ZFC3H1: variants seen among roughly 807,000 people sequenced by gnomAD.
The protein encoded by ZFC3H1 is zinc finger C3H1 domain-containing protein.
Under a neutral mutation model 243.7 loss-of-function variants are expected in ZFC3H1, and 71 were observed. The observed-to-expected ratio is 0.29, with a 90% CI of 0.24 to 0.36. The LOEUF is 0.36. Ranked by LOEUF, ZFC3H1 falls within the 10% of genes least tolerant of loss-of-function variation. The pLI is 1.00. For missense variants in ZFC3H1, 1,966 were observed against 2,317.1 expected (o/e 0.85, Z 3.11); for synonymous variants, 838 against 813.0 (o/e 1.03, Z -0.52).
At chr12:71,653,427 C>CTA (rs1452183629) in intron 2 of ZFC3H1, among the ~76,000 whole-genome samples, 4 of 152,048 alleles carry the variant, frequency 2.6e-5, no homozygotes, top group Admixed American at 6.5e-5. Context: ...TAACATACAT[C>CTA]TATACAGAGT....
rs781071202 is a variant in ZFC3H1, at chr12:71,663,297, C to T, written c.314G>A (p.Arg105Gln). 2 of 1,613,452 alleles carry T rather than the reference C, an allele frequency of 1.2e-6. No individual in the cohort carries two copies. Among genetic ancestry groups the T allele is most frequent in the Non-Finnish European group, 1.7e-6 (2 of 1,180,040 alleles). Residue 105 changes from arginine (R) to glutamine (Q), a missense_variant, in exon 1 of 35, where the codon CGA (arginine) becomes CAA (glutamine). Arg to Gln is a conservative substitution (Grantham distance 43). Transcript: ENST00000378743. The part of the protein sequence containing the change: ...RGHLRGPSSY[R>Q]PKEPFRSHPP... ...ATGAGACCGGAACGGTTCTTTGGGTCGGTAGCTGCTGGGTCCCCTGAGGTG... is the reference window on the plus strand; with the variant it reads ...ATGAGACCGGAACGGTTCTTTGGGTTGGTAGCTGCTGGGTCCCCTGAGGTG...
intron 6 of ZFC3H1, among the ~76,000 whole-genome samples, chr12:71,642,042 G>A (rs1880614284): frequency 6.6e-6 from 1 of 152,100 alleles, no homozygotes; most frequent in African/African-American, 2.4e-5. Flanking sequence ...TAGAGACAGG[G>A]TTTCGCCATG....
At chr12:71,612,783 G>A (rs564434622) in intron 31 of ZFC3H1, among the ~76,000 whole-genome samples, 1 of 152,296 alleles carries the variant, frequency 6.6e-6, no homozygotes, top group East Asian at 1.9e-4. Flanking sequence ...AATTCTTGCG[G>A]ATGAAAGTGG....
At chr12:71,650,945 C>T (rs1880868582) in intron 2 of ZFC3H1, among the ~76,000 whole-genome samples, 1 of 152,200 alleles carries the variant, frequency 6.6e-6, no homozygotes. Context: ...TCATTCCCCT[C>T]ACTCTCCTGT....
chr12:71,616,663 G>A (rs1252549445), intron 27 of ZFC3H1, among the ~76,000 whole-genome samples: 1 of 152,062 alleles, frequency 6.6e-6, no homozygotes, highest in African/African-American at 2.4e-5. Context: ...GAAATACATT[G>A]ATCGCAAAAA....
chr12:71,643,990 AAG>A, intron 5 of ZFC3H1, 103 bp downstream of exon 5: 3 of 1,034,986 alleles, frequency 2.9e-6, no homozygotes. Context: ...CCTTTTTTCC[AAG>A]AGTTATTTAT....
intron 27 of ZFC3H1, 47 bp from the exon 28 acceptor site, chr12:71,615,363 C>T (rs772678960): frequency 4.2e-6 from 5 of 1,190,410 alleles, no homozygotes; most frequent in Admixed American, 4.0e-5. Flanking sequence ...CCTACCCACA[C>T]AGGAATTACA....
At chr12:71,629,398 C>G (rs1880257184) in intron 19 of ZFC3H1, among the ~76,000 whole-genome samples, 1 of 152,042 alleles carries the variant, frequency 6.6e-6, no homozygotes, top group African/African-American at 2.4e-5. Flanking sequence ...AACTCCTAAC[C>G]TCAAGTGATC....
At chr12:71,633,597 G>A (rs1473091566) in intron 12 of ZFC3H1, among the ~76,000 whole-genome samples, 159 bp from the exon 13 acceptor site, 1 of 152,026 alleles carries the variant, frequency 6.6e-6, no homozygotes, top group Non-Finnish European at 1.5e-5. Context: ...CATCACACAG[G>A]TATTTAAATT....
At chr12:71,627,101 T>C (rs761881940) in intron 21 of ZFC3H1, among the ~76,000 whole-genome samples, 1 of 149,022 alleles carries the variant, frequency 6.7e-6, no homozygotes, top group South Asian at 2.1e-4. Context: ...AGCTTTAAGA[T>C]AGTCAAATAT....
At chr12:71,637,136 T>A in intron 7 of ZFC3H1, 77 bp from the exon 8 acceptor site, 1 of 1,206,376 alleles carries the variant, frequency 8.3e-7, no homozygotes, top group Non-Finnish European at 1.2e-6. Flanking sequence ...AATATTAAAC[T>A]AGAAAAAAAT....
chr12:71,619,537 G>A (rs1879974098), intron 26 of ZFC3H1, 128 bp from the exon 27 acceptor site: 1 of 800,966 alleles, frequency 1.2e-6, no homozygotes, highest in Non-Finnish European at 1.9e-6. Flanking sequence ...AAGGGGCGGA[G>A]GGGATAAGTT....
chr12:71,662,714 A>C (rs1386413943), intron 1 of ZFC3H1, among the ~76,000 whole-genome samples: 1 of 152,214 alleles, frequency 6.6e-6, no homozygotes, highest in African/African-American at 2.4e-5. Context: ...ACCAGCAAAA[A>C]TACAAATGCT....
intron 19 of ZFC3H1, 118 bp from the exon 20 acceptor site, chr12:71,629,155 G>GT: frequency 7.9e-6 from 7 of 891,644 alleles, no homozygotes; most frequent in Admixed American, 3.5e-5. Flanking sequence ...GAAATGATAC[G>GT]TATTTTTTTT....
At position 71,620,001 on chromosome 12, in the gene ZFC3H1, C is replaced by A; in HGVS notation, c.4974G>T (p.Val1658=). The A allele has an allele frequency of 5.6e-6, 9 of 1,612,432 alleles. No individual in the cohort carries two copies. The highest frequency in any genetic ancestry group is 7.6e-6 in the Non-Finnish European group (9 of 1,179,322). The change falls in exon 26 of 35, where the codon GTG becomes GTT. Residue 1658 remains valine (V), a synonymous_variant. Coordinates refer to ENST00000378743, the MANE Select transcript of ZFC3H1 (RefSeq NM_144982.5). ...QTNQHDKARA[V]WLTAFEKNPQ... is the part of the protein sequence containing the mutation. ...GATTTTTTTCAAATGCAGTAAGCCACACTGCTCTGGCTTTGTCATGCTGAT... is the reference window on the plus strand; with the variant it reads ...GATTTTTTTCAAATGCAGTAAGCCAAACTGCTCTGGCTTTGTCATGCTGAT...
chr12:71,634,344 ATAAACT>A, intron 11 of ZFC3H1, 40 bp from the exon 12 acceptor site: 1 of 1,585,242 alleles, frequency 6.3e-7, no homozygotes, highest in Middle Eastern at 1.7e-4. Context: ...ACACCCAAGA[ATAAACT>A]TAAACTATTT....
rs767969882 is a variant in ZFC3H1, at chr12:71,630,993, A to C, written c.3471-39T>G. On this transcript the variant is annotated intron_variant, in intron 16 of 34. Coordinates refer to ENST00000378743, the MANE Select transcript of ZFC3H1 (RefSeq NM_144982.5). ...AGTGAACAGGTATATTATGCCCAAC[A>C]AACATTCCTCAGAAAACTAAGAAAA... 3 of 1,470,196 alleles carry C rather than the reference A, an allele frequency of 2.0e-6. No homozygotes were observed. The East Asian group carries it at 7.1e-5, about 35-fold the overall frequency. The allele number at this position is 1,470,196 out of a possible 1,614,324, so 91.1% of individuals were successfully genotyped here.
chr12:71,663,281 G>A lies in ZFC3H1; in HGVS notation c.330C>T (p.Phe110=). 1 of 1,613,556 alleles carries A rather than the reference G, an allele frequency of 6.2e-7. No individual in the cohort carries two copies. Among genetic ancestry groups the A allele is most frequent in the Non-Finnish European group, 8.5e-7 (1 of 1,180,036 alleles). Residue 110 remains phenylalanine (F), a synonymous_variant, in exon 1 of 35, where the codon TTC becomes TTT. Coordinates refer to ENST00000378743, the MANE Select transcript of ZFC3H1 (RefSeq NM_144982.5). The part of the protein sequence containing the change: ...GPSSYRPKEP[F]RSHPPSVRMP... ...TCCGTACAGAAGGCGGATGAGACCGGAACGGTTCTTTGGGTCGGTAGCTGC... is the reference window on the plus strand; with the variant it reads ...TCCGTACAGAAGGCGGATGAGACCGAAACGGTTCTTTGGGTCGGTAGCTGC...
intron 21 of ZFC3H1, among the ~76,000 whole-genome samples, chr12:71,627,431 AT>A (rs945960601): frequency 1.3e-5 from 2 of 152,120 alleles, no homozygotes; most frequent in African/African-American, 2.4e-5. Flanking sequence ...GACTACTATG[AT>A]TTTTTTAAAA....
Sources: gnomAD v4.1 joint callset for allele counts (sites outside exome capture counted in the v4.1 genomes callset) on GRCh38, gnomAD v4.1.1 for gene constraint, MANE v1.5 for transcripts, NCBI Gene and HGNC (gene_info 2026-07-23, HGNC 2026-07-21) for gene names.